The following ARHGAP44 variants were observed in gnomAD, a reference collection of about 807,000 sequenced individuals.
ARHGAP44 encodes the protein rho GTPase-activating protein 44.
A neutral mutation model predicts 106.8 loss-of-function variants in ARHGAP44; 43 were observed. That is an observed-to-expected ratio of 0.40 (90% CI 0.32 to 0.52). ARHGAP44 has a LOEUF of 0.52. Among genes scored for constraint, ARHGAP44 ranks in the 20% least tolerant of loss-of-function variants. The pLI, the probability that ARHGAP44 is intolerant of heterozygous loss-of-function variation, is 0.48. For synonymous variants in ARHGAP44, 439 were observed against 410.3 expected, an observed-to-expected ratio of 1.07 and a Z score of -0.85; for missense variants, 866 against 1,050.5, an observed-to-expected ratio of 0.82 and a Z score of 2.43.
At chr17:12,948,189 C>T (rs1598101659) in intron 10 of ARHGAP44, among the ~76,000 whole-genome samples, 1 of 152,222 alleles carries the variant, frequency 6.6e-6, no homozygotes, top group Admixed American at 6.5e-5. Context: ...TTCCACACAG[C>T]CCTCTCCTCT....
At chr17:12,973,556 C>A in intron 17 of ARHGAP44, 1 of 562,490 alleles carries the variant, frequency 1.8e-6, no homozygotes, top group Non-Finnish European at 3.1e-6. Flanking sequence ...TGTGCCTTGG[C>A]CAGGGTCCCA....
chr17:12,925,481 G>A (rs2038205657), intron 6 of ARHGAP44, among the ~76,000 whole-genome samples: 2 of 152,238 alleles, frequency 1.3e-5, no homozygotes, highest in African/African-American at 4.8e-5. Context: ...ACACTCTCCT[G>A]TCTGCCTTTT....
At chr17:12,956,607 G>A in intron 14 of ARHGAP44, 48 bp from the exon 15 acceptor site, 1 of 1,552,982 alleles carries the variant, frequency 6.4e-7, no homozygotes, top group Admixed American at 1.7e-5. Context: ...CTCAAAGCTT[G>A]CCTCAGCTGC....
At position 12,814,429 on chromosome 17, in the gene ARHGAP44, C is replaced by T. The variant is rs879418838; in HGVS notation, c.53+24538C>T. ...CTAATTTTTGTATTTTTAGTAGAGA[C>T]GGGGTTTCACCATGTTGGCCAGGCT... On this transcript the variant is annotated intron_variant, in intron 1 of 20. Transcript: ENST00000379672. Among the ~76,000 whole-genome samples the T allele has an allele frequency of 4.8e-4, 73 of 151,716 alleles. 1 individual carries two copies. The highest frequency in any genetic ancestry group is 3.4e-3 in the Middle Eastern group (1 of 292).
At chr17:12,930,417 A>G (rs2038364545) in intron 7 of ARHGAP44, among the ~76,000 whole-genome samples, 1 of 151,868 alleles carries the variant, frequency 6.6e-6, no homozygotes, top group Non-Finnish European at 1.5e-5. Flanking sequence ...TTGTATTTTT[A>G]GTAGAGACGG....
intron 6 of ARHGAP44, among the ~76,000 whole-genome samples, chr17:12,925,895 TATCTG>T (rs1220543774): frequency 2.0e-4 from 31 of 152,142 alleles, no homozygotes; most frequent in African/African-American, 6.5e-4. Flanking sequence ...CCAAAATGAC[TATCTG>T]TACAAAATTT....
chr17:12,812,839 T>C lies in ARHGAP44; in HGVS notation c.53+22948T>C, dbSNP rs116001666. On this transcript the variant is annotated intron_variant, in intron 1 of 20. Transcript: ENST00000379672. ...TCAACTCTTTTTTTAAACAAGCTAC[T>C]CTTTGAACTGACCTTACTTTGGCAT... 5.9e-3 allele frequency among the ~76,000 whole-genome samples: 906 copies of C among 152,320 alleles called. 14 individuals carry two copies. The highest frequency in any genetic ancestry group is 0.021 in the African/African-American group (869 of 41,574).
intron 1 of ARHGAP44, among the ~76,000 whole-genome samples, chr17:12,794,959 A>C (rs1900635317): frequency 6.6e-6 from 1 of 152,196 alleles, no homozygotes; most frequent in Non-Finnish European, 1.5e-5. Context: ...GCCTTGTAGT[A>C]GGCCTTCTAA....
intron 10 of ARHGAP44, among the ~76,000 whole-genome samples, chr17:12,947,803 G>T (rs561896091): frequency 6.6e-6 from 1 of 152,174 alleles, no homozygotes; most frequent in Non-Finnish European, 1.5e-5. Flanking sequence ...GCAGTTGGCT[G>T]TCTTTGTCGT....
rs2038172590 is a variant in ARHGAP44 at position 12,924,327 on chromosome 17, G to A, written c.464+4496G>A. Among the ~76,000 whole-genome samples, 3 of 152,196 alleles carry A rather than the reference G, an allele frequency of 2.0e-5. No individual in the cohort carries two copies. The South Asian group carries it at 6.2e-4, about 32-fold the overall frequency. On this transcript the variant is annotated intron_variant, in intron 6 of 20. Transcript: ENST00000379672. Reference sequence around the variant, plus strand: ...AGACCTCAATATTCTCAGAGAAACTGATGCTTACAGGACGCTTTATGCTGA... The same window carrying A: ...AGACCTCAATATTCTCAGAGAAACTAATGCTTACAGGACGCTTTATGCTGA...
chr17:12,876,107 C>G (rs186355715), intron 1 of ARHGAP44, among the ~76,000 whole-genome samples: 2 of 152,250 alleles, frequency 1.3e-5, no homozygotes, highest in Admixed American at 1.3e-4. Context: ...AATCCATACC[C>G]CCACTCAGCT....
In ARHGAP44 at chr17:12,948,408, G is replaced by A. The variant is rs184038288; in HGVS notation, c.862-732G>A. 5.4e-3 allele frequency among the ~76,000 whole-genome samples: 824 copies of A among 152,258 alleles called. 2 individuals are homozygous for A. The highest frequency in any genetic ancestry group is 8.9e-3 in the Non-Finnish European group (606 of 68,030). On this transcript the variant is annotated intron_variant, in intron 10 of 20. Coordinates refer to ENST00000379672, the MANE Select transcript of ARHGAP44 (RefSeq NM_014859.6). ...GTGTAGGCCGGGTGCTGTGGCTCAC[G>A]CCTGTAATCCCAGCACTTTGGGAGG...
chr17:12,923,976 C>T (rs549639449), intron 6 of ARHGAP44, among the ~76,000 whole-genome samples: 2 of 152,312 alleles, frequency 1.3e-5, no homozygotes, highest in Admixed American at 1.3e-4. Context: ...AAGCCAATGG[C>T]ACAGGTTAGT....
rs138240086 is a variant in ARHGAP44, at chr17:12,944,005, C to T, written c.734-64C>T. On this transcript the variant is annotated intron_variant, in intron 9 of 20. Transcript: ENST00000379672. ...GGAGAATCTGGACAACAAAGGAAAG[C>T]GAGATTCCAGCATGAGTGAACTTGG... 553 of 1,496,558 alleles carry T rather than the reference C, an allele frequency of 3.7e-4. 2 individuals carry two copies. In the East Asian group the frequency reaches 8.3e-3, roughly 23 times the overall value. The allele number at this position is 1,496,558 out of a possible 1,614,324, so 92.7% of individuals were successfully genotyped here.
At chr17:12,989,918 A>G (rs1277057118) in intron 20 of ARHGAP44, 114 bp from the exon 21 acceptor site, 8 of 1,437,030 alleles carry the variant, frequency 5.6e-6, no homozygotes, top group Admixed American at 5.6e-5. Flanking sequence ...CAAATGATCT[A>G]TCCCTAGAAT....
intron 13 of ARHGAP44, among the ~76,000 whole-genome samples, chr17:12,954,345 G>A (rs747738368): frequency 5.9e-5 from 9 of 152,192 alleles, no homozygotes; most frequent in Non-Finnish European, 1.3e-4. Flanking sequence ...TAAATTGTAC[G>A]TATATTACAA....
chr17:12,987,171 C>T lies in ARHGAP44; in HGVS notation c.2317+2263C>T, dbSNP rs2039981703. ...TTTCAGGGTAAGCTGGCCCCGGCCT[C>T]GCCCCTCCACCCCGCTAGCTAGCCA... On this transcript the variant is annotated intron_variant, in intron 20 of 20. Coordinates refer to ENST00000379672, the MANE Select transcript of ARHGAP44 (RefSeq NM_014859.6). 12 of 1,529,326 alleles carry T rather than the reference C, an allele frequency of 7.8e-6. No individual in the cohort carries two copies. In the South Asian group the frequency reaches 8.4e-5, roughly 11 times the overall value. The allele number at this position is 1,529,326 out of a possible 1,614,324, so 94.7% of individuals were successfully genotyped here. A position where few individuals can be genotyped will look rare whatever the true frequency, so the allele number is the denominator to read the frequency against.
chr17:12,824,874 C>T (rs1194721928), intron 1 of ARHGAP44, among the ~76,000 whole-genome samples: 1 of 151,700 alleles, frequency 6.6e-6, no homozygotes, highest in Admixed American at 6.6e-5. Context: ...CCTAGTCTTC[C>T]AGAATTCTGA....
intron 7 of ARHGAP44, among the ~76,000 whole-genome samples, chr17:12,932,692 G>A (rs2038435467): frequency 6.6e-6 from 1 of 150,486 alleles, no homozygotes; most frequent in African/African-American, 2.4e-5. Flanking sequence ...ATGATGTGAG[G>A]TAGGGGTTTC....
Sources: allele counts gnomAD v4.1 joint callset (sites outside exome capture counted in the v4.1 genomes callset), GRCh38; gene constraint gnomAD v4.1.1; transcripts MANE v1.5; gene names NCBI Gene and HGNC (gene_info 2026-07-23, HGNC 2026-07-21).